The following ADCY8 variants were observed in gnomAD, a reference collection of about 807,000 sequenced individuals.
The protein encoded by ADCY8 is adenylate cyclase type 8.
A neutral mutation model predicts 119.7 loss-of-function variants in ADCY8; 51 were observed. That is an observed-to-expected ratio of 0.43 (90% CI 0.34 to 0.54). ADCY8 has a LOEUF of 0.54. ADCY8 is among the 20% of genes least tolerant of loss of function. The pLI, the probability that ADCY8 is intolerant of heterozygous loss-of-function variation, is 0.03. For missense variants in ADCY8, 1,383 were observed against 1,598.8 expected (o/e 0.87, Z 2.30); for synonymous variants, 665 against 651.0 (o/e 1.02, Z -0.33).
intron 14 of ADCY8, among the ~76,000 whole-genome samples, chr8:130,809,490 C>T (rs1461296540): frequency 6.6e-6 from 1 of 152,180 alleles, no homozygotes; most frequent in South Asian, 2.1e-4. Context: ...CCCAGTCCTT[C>T]TCAGCAAATA....
At chr8:130,811,365 G>C (rs901581238) in intron 14 of ADCY8, among the ~76,000 whole-genome samples, 3 of 152,152 alleles carry the variant, frequency 2.0e-5, no homozygotes, top group African/African-American at 7.2e-5. Flanking sequence ...GGGCGCTACA[G>C]GTAACATAAA....
chr8:130,922,759 A>C (rs1345842643), intron 5 of ADCY8, among the ~76,000 whole-genome samples: 1 of 152,198 alleles, frequency 6.6e-6, no homozygotes, highest in Non-Finnish European at 1.5e-5. Context: ...CGGGCAGATA[A>C]ATTCCCTTTC....
chr8:130,811,675 A>G (rs1725119913), intron 14 of ADCY8, among the ~76,000 whole-genome samples: 2 of 152,208 alleles, frequency 1.3e-5, no homozygotes, highest in South Asian at 4.1e-4. Flanking sequence ...ACTCCAGTTC[A>G]TCCACAGGCA....
At chr8:130,977,327 C>T (rs1407598471) in intron 2 of ADCY8, among the ~76,000 whole-genome samples, 1 of 152,208 alleles carries the variant, frequency 6.6e-6, no homozygotes, top group Admixed American at 6.5e-5. Flanking sequence ...TCAGAATCAA[C>T]AGAGCTTACT....
rs191826945 is a variant in ADCY8, at chr8:130,844,186, G to C, written c.2502+3238C>G. ...ATTCTAAAGTGAGGGTCTTCCCACCGAATCTCCTGAGAACCACATCCAGAT... is the reference window on the plus strand; with the variant it reads ...ATTCTAAAGTGAGGGTCTTCCCACCCAATCTCCTGAGAACCACATCCAGAT... On this transcript the variant is annotated intron_variant, in intron 11 of 17. Transcript: ENST00000286355. Among the ~76,000 whole-genome samples, 392 of 152,254 alleles carry C rather than the reference G, an allele frequency of 2.6e-3. 7 individuals are homozygous for C. The highest frequency in any genetic ancestry group is 1.2e-3 in the Non-Finnish European group (80 of 68,028).
rs1218629646 is a variant in ADCY8 at position 131,040,046 on chromosome 8, C to T, written c.288G>A (p.Pro96=). ...DSALPLYSLG[P]GERAHSTCGT... is the part of the protein sequence containing the mutation. ...CGCAGGTGCTGTGCGCTCGCTCTCC[C>T]GGGCCCAGCGAGTAGAGGGGCAGCG... The change falls in exon 1 of 18, where the codon CCG becomes CCA. Residue 96 remains proline, a synonymous_variant. Transcript: ENST00000286355. 1.3e-6 allele frequency: 2 copies of T among 1,547,102 alleles called. No homozygotes were observed. Among genetic ancestry groups the T allele is most frequent in the Non-Finnish European group, 1.7e-6 (2 of 1,150,924 alleles).
At chr8:130,846,946 C>T (rs1817349895) in intron 11 of ADCY8, among the ~76,000 whole-genome samples, 1 of 142,366 alleles carries the variant, frequency 7.0e-6, no homozygotes, top group Non-Finnish European at 1.5e-5. Context: ...CTTCTCCTTC[C>T]TTCCTTCCTT....
At chr8:130,928,543 C>G (rs772695931) in intron 5 of ADCY8, among the ~76,000 whole-genome samples, 1 of 152,020 alleles carries the variant, frequency 6.6e-6, no homozygotes, top group Non-Finnish European at 1.5e-5. Context: ...GTGGTTTTGT[C>G]CTTTATTCTG....
At chr8:130,802,485 A>T (rs1365371354) in intron 14 of ADCY8, among the ~76,000 whole-genome samples, 5 of 152,166 alleles carry the variant, frequency 3.3e-5, no homozygotes, top group Admixed American at 1.3e-4. Context: ...TTAAAGATAC[A>T]CTATTGACCA....
At chr8:130,957,488 G>GA (rs1358381740) in intron 2 of ADCY8, among the ~76,000 whole-genome samples, 1 of 152,178 alleles carries the variant, frequency 6.6e-6, no homozygotes, top group African/African-American at 2.4e-5. Context: ...TGATAGAAAA[G>GA]AAAAAACAAT....
intron 3 of ADCY8, among the ~76,000 whole-genome samples, chr8:130,950,990 G>T (rs1821252848): frequency 6.6e-6 from 1 of 152,216 alleles, no homozygotes; most frequent in Admixed American, 6.5e-5. Context: ...GAGCGACCGT[G>T]CCCGGCCAGT....
At chr8:130,973,416 C>A (rs1395194857) in intron 2 of ADCY8, among the ~76,000 whole-genome samples, 1 of 152,202 alleles carries the variant, frequency 6.6e-6, no homozygotes, top group Non-Finnish European at 1.5e-5. Context: ...CGTGAGACAA[C>A]TATATGAATG....
rs529040292 is a variant in ADCY8, at chr8:130,859,232, T to C, written c.2210+8614A>G. ...ATATTCCTACATGTAACCATCTCTA[T>C]CTATATTAAGCTATACATGAGTTCA... On this transcript the variant is annotated intron_variant, in intron 9 of 17. Transcript: ENST00000286355. Among the ~76,000 whole-genome samples the C allele has an allele frequency of 1.1e-4, 16 of 152,336 alleles. No individual in the cohort carries two copies. The East Asian group carries it at 1.7e-3, about 17-fold the overall frequency.
intron 14 of ADCY8, among the ~76,000 whole-genome samples, chr8:130,801,150 C>T (rs1177187494): frequency 6.6e-6 from 1 of 152,228 alleles, no homozygotes; most frequent in Non-Finnish European, 1.5e-5. Flanking sequence ...GGTCTCCAGC[C>T]TCAGCTGGGG....
At chr8:130,786,047 G>A (rs1815240129) in intron 15 of ADCY8, among the ~76,000 whole-genome samples, 1 of 152,200 alleles carries the variant, frequency 6.6e-6, no homozygotes, top group African/African-American at 2.4e-5. Context: ...TTGCAGTGCA[G>A]TCTTCTTGAC....
chr8:130,959,231 A>T (rs1361047309), intron 2 of ADCY8, among the ~76,000 whole-genome samples: 2 of 152,176 alleles, frequency 1.3e-5, no homozygotes, highest in African/African-American at 4.8e-5. Context: ...AAGGTTTGAA[A>T]CTGTCTTATG....
At chr8:130,960,174 A>T (rs1323673137) in intron 2 of ADCY8, among the ~76,000 whole-genome samples, 1 of 152,132 alleles carries the variant, frequency 6.6e-6, no homozygotes, top group Non-Finnish European at 1.5e-5. Context: ...GGGACTGTGA[A>T]AGAGGGAAAG....
chr8:130,861,617 G>A (rs750154946), intron 9 of ADCY8, among the ~76,000 whole-genome samples: 8 of 152,122 alleles, frequency 5.3e-5, no homozygotes, highest in Admixed American at 3.3e-4. Context: ...TATGTCATTG[G>A]TAGATAAACA....
At chr8:130,864,465 G>A (rs893960829) in intron 9 of ADCY8, among the ~76,000 whole-genome samples, 9 of 151,840 alleles carry the variant, frequency 5.9e-5, no homozygotes, top group Admixed American at 4.6e-4. Flanking sequence ...TCTCCTTTTG[G>A]TAATCTAATT....
Sources: gnomAD v4.1 joint callset for allele counts (sites outside exome capture counted in the v4.1 genomes callset) on GRCh38, gnomAD v4.1.1 for gene constraint, MANE v1.5 for transcripts, NCBI Gene and HGNC (gene_info 2026-07-23, HGNC 2026-07-21) for gene names.